The following EDIL3 variants were observed in gnomAD, a reference collection of about 807,000 sequenced individuals.
EDIL3 encodes the protein EGF like and discoidin domains 3.
EDIL3 carries 37 observed loss-of-function variants against 67.4 expected under a neutral mutation model. The observed-to-expected ratio is 0.55, with a 90% confidence interval of 0.42 to 0.72. The LOEUF is 0.72. Among genes scored for constraint, EDIL3 ranks in the 30% least tolerant of loss-of-function variants. The pLI, the probability that EDIL3 is intolerant of heterozygous loss-of-function variation, is 0.00. For missense variants in EDIL3, 527 were observed against 586.3 expected (o/e 0.90, Z 1.04); for synonymous variants, 195 against 196.3 (o/e 0.99, Z 0.05).
intron 9 of EDIL3, chr5:84,047,746 T>C (rs982161223): frequency 1.3e-5 from 2 of 152,088 alleles, no homozygotes; most frequent in African/African-American, 4.8e-5. Context: ...TCTCAGAGTA[T>C]TGATATAATT....
intron 9 of EDIL3, among the ~76,000 whole-genome samples, chr5:84,006,521 T>C (rs1359622498): frequency 6.6e-6 from 1 of 152,056 alleles, no homozygotes; most frequent in Non-Finnish European, 1.5e-5. Context: ...AGCTAAACAT[T>C]GAGTACACAT....
At chr5:84,063,245 C>T (rs540476084) in intron 8 of EDIL3, among the ~76,000 whole-genome samples, 22 of 152,216 alleles carry the variant, frequency 1.4e-4, no homozygotes, top group African/African-American at 5.1e-4. Flanking sequence ...CAGATCTCAT[C>T]ATATTGTGGC....
chr5:84,199,531 A>G (rs1743786920), intron 3 of EDIL3, among the ~76,000 whole-genome samples: 6 of 152,018 alleles, frequency 3.9e-5, no homozygotes, highest in Admixed American at 3.9e-4. Context: ...TCTAAGCAAG[A>G]AGAGAAACAT....
chr5:84,296,978 C>A (rs964176227), intron 1 of EDIL3, among the ~76,000 whole-genome samples: 5 of 151,930 alleles, frequency 3.3e-5, no homozygotes, highest in African/African-American at 9.7e-5. Flanking sequence ...GTCAGGAGAT[C>A]GAGACCATCC....
intron 1 of EDIL3, among the ~76,000 whole-genome samples, chr5:84,338,601 CACTT>C (rs1359652754): frequency 1.3e-5 from 2 of 152,132 alleles, no homozygotes; most frequent in African/African-American, 2.4e-5. Flanking sequence ...AACATGCTGT[CACTT>C]ACACCCTTTG....
Position 83,968,307 on chromosome 5 carries a change from C to G in EDIL3, c.1138-4947G>C, listed in dbSNP as rs142497045. On this transcript the variant is annotated intron_variant, in intron 9 of 10. Coordinates refer to ENST00000296591, the MANE Select transcript of EDIL3 (RefSeq NM_005711.5). ...TGGAATCCTTAAAATATGATTAAGG[C>G]CAGATAACATAAGCATTCTAGCACT... 1.4e-3 allele frequency among the ~76,000 whole-genome samples: 210 copies of G among 152,090 alleles called. 1 individual carries two copies. The highest frequency in any genetic ancestry group is 4.7e-3 in the African/African-American group (195 of 41,528).
At chr5:84,128,421 C>T (rs918943486) in intron 5 of EDIL3, among the ~76,000 whole-genome samples, 1 of 151,994 alleles carries the variant, frequency 6.6e-6, no homozygotes, top group African/African-American at 2.4e-5. Flanking sequence ...TGACAGTCGG[C>T]CCAAAATTTC....
chr5:84,228,595 A>T (rs1046963494), intron 3 of EDIL3, among the ~76,000 whole-genome samples: 1 of 152,126 alleles, frequency 6.6e-6, no homozygotes, highest in East Asian at 1.9e-4. Flanking sequence ...TGAAACATCA[A>T]TTGAGGGTTT....
At position 84,064,747 on chromosome 5, in the gene EDIL3, C is replaced by T. The variant is rs765088380; in HGVS notation, c.905G>A (p.Arg302Gln). ...QYVRLYPQVCRRHCTLRMELL... is the reference protein window; with the variant it reads ...QYVRLYPQVCQRHCTLRMELL... Reference sequence around the variant, plus strand: ...TTCCATTCGCAAAGTGCAATGTCTTCGACAAACTTGGGGATAGAGTCTTAC... The same window carrying T: ...TTCCATTCGCAAAGTGCAATGTCTTTGACAAACTTGGGGATAGAGTCTTAC... Residue 302 changes from arginine to glutamine, a missense_variant, in exon 8 of 11, where the codon CGA (arginine) becomes CAA (glutamine). Physicochemically the swap from Arg to Gln is conservative, Grantham distance 43. Around this residue, in one of 2 missense-constraint regions of EDIL3, gnomAD observed 494 missense variants for 522.5 expected, o/e 0.95. Transcript: ENST00000296591. The T allele has an allele frequency of 1.3e-5, 21 of 1,613,688 alleles. No individual in the cohort carries two copies. The highest frequency in any genetic ancestry group is 6.7e-5 in the Admixed American group (4 of 60,014).
chr5:84,054,035 T>G (rs1359296400), intron 9 of EDIL3, among the ~76,000 whole-genome samples: 1 of 152,160 alleles, frequency 6.6e-6, no homozygotes, highest in South Asian at 2.1e-4. Context: ...ATATCCCTGA[T>G]GAACATCGAT....
At chr5:84,081,440 A>G (rs1746965902) in intron 6 of EDIL3, among the ~76,000 whole-genome samples, 1 of 152,276 alleles carries the variant, frequency 6.6e-6, no homozygotes, top group Non-Finnish European at 1.5e-5. Context: ...AAACGATGTC[A>G]GCACATGAGT....
chr5:84,130,969 C>T (rs1262039722), intron 5 of EDIL3, among the ~76,000 whole-genome samples: 1 of 151,480 alleles, frequency 6.6e-6, no homozygotes, highest in South Asian at 2.1e-4. Flanking sequence ...GGTATGTAGG[C>T]ATTATACCTA....
chr5:84,308,036 G>A (rs1746308471), intron 1 of EDIL3, among the ~76,000 whole-genome samples: 1 of 152,076 alleles, frequency 6.6e-6, no homozygotes, highest in South Asian at 2.1e-4. Context: ...ATATAATTCT[G>A]CCCAACAGTA....
intron 1 of EDIL3, among the ~76,000 whole-genome samples, chr5:84,307,855 A>G (rs1746304050): frequency 6.6e-6 from 1 of 152,118 alleles, no homozygotes; most frequent in Non-Finnish European, 1.5e-5. Flanking sequence ...TATGAATTAG[A>G]AGGAGGGGGA....
At chr5:84,382,888 G>A (rs1200688190) in intron 1 of EDIL3, among the ~76,000 whole-genome samples, 1 of 151,950 alleles carries the variant, frequency 6.6e-6, no homozygotes, top group African/African-American at 2.4e-5. Context: ...GGGGACGGAG[G>A]GAGGCCCAGG....
intron 10 of EDIL3, among the ~76,000 whole-genome samples, chr5:83,955,009 T>C (rs1266143580): frequency 2.0e-5 from 3 of 151,818 alleles, no homozygotes; most frequent in Admixed American, 2.0e-4. Flanking sequence ...ATTTTTAACA[T>C]GTTAGCATTT....
intron 6 of EDIL3, among the ~76,000 whole-genome samples, chr5:84,089,596 G>A (rs1490272658): frequency 1.3e-5 from 2 of 152,102 alleles, no homozygotes; most frequent in East Asian, 3.9e-4. Context: ...CATTGTGTTA[G>A]GTATTCAGAA....
chr5:84,257,995 AG>A, intron 1 of EDIL3, among the ~76,000 whole-genome samples: 1 of 152,328 alleles, frequency 6.6e-6, no homozygotes, highest in African/African-American at 2.4e-5. Flanking sequence ...ACCATGTCAA[AG>A]TCTTTCTGAA....
chr5:84,259,754 G>A (rs953450523), intron 1 of EDIL3, among the ~76,000 whole-genome samples: 2 of 151,998 alleles, frequency 1.3e-5, no homozygotes, highest in African/African-American at 2.4e-5. Context: ...GGTGATTTAG[G>A]CACTATCTTA....
Sources: allele counts gnomAD v4.1 joint callset (sites outside exome capture counted in the v4.1 genomes callset), GRCh38; gene constraint gnomAD v4.1.1; regional missense constraint gnomAD v4.1.1; transcripts MANE v1.5; gene names NCBI Gene and HGNC (gene_info 2026-07-23, HGNC 2026-07-21).